Variants in FAM50B observed in about 807,000 individuals in gnomAD.
FAM50B encodes protein FAM50B.
Under a neutral mutation model 25.4 loss-of-function variants are expected in FAM50B, and 9 were observed. That is an observed-to-expected ratio of 0.35 (90% confidence interval 0.21 to 0.62). FAM50B has a LOEUF of 0.62. FAM50B is among the 20% of genes least tolerant of loss of function. The pLI is 0.73. For missense variants in FAM50B, 372 were observed against 477.9 expected (o/e 0.78, Z 2.07); for synonymous variants, 212 against 204.3 (o/e 1.04, Z -0.32).
the FAM50B span, among the ~76,000 whole-genome samples, chr6:3,832,235 G>T: frequency 6.6e-6 from 1 of 152,172 alleles, no homozygotes; most frequent in East Asian, 1.9e-4. Flanking sequence ...AGAGAAACTA[G>T]GAAGACCTTT....
At chr6:3,834,361 A>C in the FAM50B span, among the ~76,000 whole-genome samples, 1 of 117,072 alleles carries the variant, frequency 8.5e-6, no homozygotes, top group Admixed American at 8.6e-5. Flanking sequence ...ATATATGGCA[A>C]AAAAAAAAAA....
At chr6:3,844,335 T>C in the FAM50B span, among the ~76,000 whole-genome samples, 2 of 152,242 alleles carry the variant, frequency 1.3e-5, no homozygotes, top group East Asian at 3.8e-4. Context: ...TTATTGCTAT[T>C]GATACTTTTA....
the FAM50B span, among the ~76,000 whole-genome samples, chr6:3,841,492 A>G: frequency 1.3e-5 from 2 of 152,320 alleles, no homozygotes; most frequent in Admixed American, 1.3e-4. Context: ...AGTGAAGGGA[A>G]CAAATGTACA....
At chr6:3,834,278 C>T in the FAM50B span, among the ~76,000 whole-genome samples, 1 of 128,572 alleles carries the variant, frequency 7.8e-6, no homozygotes, top group South Asian at 2.4e-4. Context: ...ATAAAATTCA[C>T]AAGTCATAAA....
the FAM50B span, among the ~76,000 whole-genome samples, chr6:3,837,036 TGGAA>T: frequency 6.6e-6 from 1 of 152,176 alleles, no homozygotes; most frequent in African/African-American, 2.4e-5. Flanking sequence ...AACATTTAGA[TGGAA>T]GGAAAAGGAT....
chr6:3,841,321 T>C, the FAM50B span, among the ~76,000 whole-genome samples: 4 of 152,226 alleles, frequency 2.6e-5, no homozygotes, highest in Non-Finnish European at 5.9e-5. Context: ...AGGATCACGA[T>C]AGCTCTGGGA....
Position 3,850,973 on chromosome 6 carries a change from T to C in FAM50B, c.*184T>C, listed in dbSNP as rs1762213928. ...TGCTTTGGTTGCTTGGTTGGTCTTT[T>C]CTGAGTATTTTAGTGTTGCCACCTG... is the stretch of plus-strand genomic sequence containing the variant. On this transcript the variant is annotated 3_prime_UTR_variant, in exon 2 of 2. Transcript: ENST00000648326. 1.9e-6 allele frequency: 2 copies of C among 1,028,730 alleles called. No individual in the cohort carries two copies. The highest frequency in any genetic ancestry group is 2.8e-6 in the Non-Finnish European group (2 of 717,424). The allele number at this position is 1,028,730 out of a possible 1,614,324, so 63.7% of individuals were successfully genotyped here. A position where few individuals can be genotyped will look rare whatever the true frequency, so the allele number is the denominator to read the frequency against.
At chr6:3,848,861 C>T (rs1561774724), upstream of FAM50B, among the ~76,000 whole-genome samples, 1 of 151,994 alleles carries the variant, frequency 6.6e-6, no homozygotes, top group African/African-American at 2.4e-5. Flanking sequence ...AACTGGGGGG[C>T]GAGTAGGGTT....
chr6:3,846,116 C>T (rs1347273962), upstream of FAM50B, among the ~76,000 whole-genome samples: 1 of 152,110 alleles, frequency 6.6e-6, no homozygotes, highest in African/African-American at 2.4e-5. Flanking sequence ...CAAAGAGATT[C>T]TGATGTGGCT....
chr6:3,850,437 T>C lies in FAM50B; in HGVS notation c.626T>C (p.Val209Ala). The C allele has an allele frequency of 6.2e-7, 1 of 1,613,400 alleles. No individual in the cohort carries two copies. Among genetic ancestry groups the C allele is most frequent in the Non-Finnish European group, 8.5e-7 (1 of 1,179,944 alleles). The change falls in exon 2 of 2, where the codon GTG becomes GCG. Residue 209 changes from valine to alanine, a missense_variant. Physicochemically the swap from Val to Ala is moderately conservative, Grantham distance 64. This residue lies in a region of FAM50B where 224 missense variants were observed against 232.2 expected (regional missense o/e 0.96). Transcript: ENST00000648326. The part of the protein sequence containing the change: ...RTVRVRKGNT[V>A]QQFLKKALQG... Reference sequence around the variant, plus strand: ...GTGCGGGTGCGCAAGGGCAACACGGTGCAGCAGTTCCTGAAGAAGGCGCTG... The same window carrying C: ...GTGCGGGTGCGCAAGGGCAACACGGCGCAGCAGTTCCTGAAGAAGGCGCTG...
At chr6:3,836,271 A>T in the FAM50B span, among the ~76,000 whole-genome samples, 1 of 152,338 alleles carries the variant, frequency 6.6e-6, no homozygotes, top group South Asian at 2.1e-4. Context: ...TTGTATAGAG[A>T]ATTACTATAT....
At chr6:3,842,275 C>T in the FAM50B span, among the ~76,000 whole-genome samples, 19 of 152,194 alleles carry the variant, frequency 1.2e-4, no homozygotes, top group African/African-American at 4.3e-4. Context: ...CCATGGGCTG[C>T]AGCTGTGAAA....
At chr6:3,837,582 C>T in the FAM50B span, among the ~76,000 whole-genome samples, 1 of 151,620 alleles carries the variant, frequency 6.6e-6, no homozygotes, top group African/African-American at 2.4e-5. Flanking sequence ...TAATATCCAG[C>T]ATCTTAGCCC....
At chr6:3,833,105 C>T in the FAM50B span, among the ~76,000 whole-genome samples, 1 of 152,160 alleles carries the variant, frequency 6.6e-6, no homozygotes, top group Non-Finnish European at 1.5e-5. Flanking sequence ...GGTGATTCAC[C>T]CACCTCAGCC....
the FAM50B span, among the ~76,000 whole-genome samples, chr6:3,833,243 A>C: frequency 6.6e-6 from 1 of 152,178 alleles, no homozygotes; most frequent in Non-Finnish European, 1.5e-5. Context: ...TGGGGTGGTA[A>C]TTTAGGATAC....
upstream of FAM50B, among the ~76,000 whole-genome samples, chr6:3,847,139 T>C (rs1762132915): frequency 1.3e-5 from 2 of 152,266 alleles, no homozygotes; most frequent in African/African-American, 2.4e-5. Context: ...TAAGTGAGCA[T>C]TGGCTTCAAC....
chr6:3,850,921 A>G lies in FAM50B; in HGVS notation c.*132A>G. ...TAAAGACAGAGGGTTCTCATGATTCACATTGGTTGTGCTATTGCTGATGTT... is the reference window on the plus strand; with the variant it reads ...TAAAGACAGAGGGTTCTCATGATTCGCATTGGTTGTGCTATTGCTGATGTT... On this transcript the variant is annotated 3_prime_UTR_variant, in exon 2 of 2. Coordinates refer to ENST00000648326, the MANE Select transcript of FAM50B (RefSeq NM_012135.3). 1 of 1,393,306 alleles carries G rather than the reference A, an allele frequency of 7.2e-7. No individual in the cohort carries two copies. Among genetic ancestry groups the G allele is most frequent in the Non-Finnish European group, 9.6e-7 (1 of 1,040,212 alleles). The allele number at this position is 1,393,306 out of a possible 1,614,324, so 86.3% of individuals were successfully genotyped here. A position where few individuals can be genotyped will look rare whatever the true frequency, so the allele number is the denominator to read the frequency against.
At chr6:3,843,806 C>T in the FAM50B span, among the ~76,000 whole-genome samples, 3 of 152,182 alleles carry the variant, frequency 2.0e-5, no homozygotes, top group African/African-American at 7.2e-5. Context: ...GGTCTGGTGG[C>T]GGAATTCTGA....
chr6:3,845,799 C>G (rs1263480240), upstream of FAM50B, among the ~76,000 whole-genome samples: 2 of 152,194 alleles, frequency 1.3e-5, no homozygotes, highest in African/African-American at 4.8e-5. Context: ...ACTGCAACCT[C>G]CATCTCCTGG....
Sources: gnomAD v4.1 joint callset for allele counts (sites outside exome capture counted in the v4.1 genomes callset) on GRCh38, gnomAD v4.1.1 for gene constraint, gnomAD v4.1.1 regional missense constraint, MANE v1.5 for transcripts, NCBI Gene and HGNC (gene_info 2026-07-23, HGNC 2026-07-21) for gene names.